Variants in CR1L observed in about 807,000 individuals in gnomAD.
The protein encoded by CR1L is complement C3b/C4b receptor 1 like.
In CR1L, 59 loss-of-function variants were observed where a neutral mutation model predicts 62.3. That is an observed-to-expected ratio of 0.95 (90% CI 0.77 to 1.18). The LOEUF (loss-of-function observed/expected upper bound fraction) is 1.18, where lower values mean the gene tolerates loss of function less well. Ranked by LOEUF, CR1L falls within the 50% of genes most tolerant of loss-of-function variation. CR1L has a pLI of 0.00. For synonymous variants in CR1L, 279 were observed against 248.7 expected (o/e 1.12, Z -1.15); for missense variants, 700 against 702.8 (o/e 1.00, Z 0.04).
chr1:207,648,020 C>T (rs1356226233), intron 1 of CR1L, among the ~76,000 whole-genome samples: 1 of 151,820 alleles, frequency 6.6e-6, no homozygotes, highest in African/African-American at 2.4e-5. Flanking sequence ...AAAAATTAGC[C>T]AGGTGTGATG....
intron 4 of CR1L, among the ~76,000 whole-genome samples, chr1:207,689,228 C>G (rs1663957929): frequency 6.6e-6 from 1 of 152,012 alleles, no homozygotes; most frequent in Admixed American, 6.6e-5. Context: ...TTGAGATTAT[C>G]ATGTTTCTTT....
rs557081299 is a variant in CR1L at position 207,703,304 on chromosome 1, T to C, written c.1328+1686T>C. On this transcript the variant is annotated intron_variant, in intron 9 of 11. Transcript: ENST00000508064. ...AAGGATAGGCTGCCTTTTTAGGAGC[T>C]AATCTCGTTGGTGAGTTTGAGTTGA... 1.3e-4 allele frequency among the ~76,000 whole-genome samples: 20 copies of C among 152,342 alleles called. No individual in the cohort carries two copies. The East Asian group carries it at 3.9e-3, about 29-fold the overall frequency.
intron 10 of CR1L, among the ~76,000 whole-genome samples, chr1:207,711,875 G>A (rs1269056358): frequency 6.7e-6 from 1 of 150,266 alleles, no homozygotes; most frequent in Non-Finnish European, 1.5e-5. Context: ...CTCCAGCCTG[G>A]ATGACAGAGT....
chr1:207,690,428 G>C (rs1663979630), intron 4 of CR1L, among the ~76,000 whole-genome samples: 1 of 152,110 alleles, frequency 6.6e-6, no homozygotes, highest in Non-Finnish European at 1.5e-5. Flanking sequence ...TTGAGACATG[G>C]TTTATGGCCC....
intron 1 of CR1L, among the ~76,000 whole-genome samples, chr1:207,660,299 G>A (rs572876905): frequency 4.4e-4 from 67 of 152,330 alleles, no homozygotes; most frequent in African/African-American, 1.5e-3. Context: ...ACACAGGTGG[G>A]TGCCCCTCTA....
chr1:207,664,867 T>C (rs1330596546), intron 1 of CR1L, among the ~76,000 whole-genome samples: 1 of 152,174 alleles, frequency 6.6e-6, no homozygotes. Flanking sequence ...TAGATCTAAA[T>C]GTGCTAATGT....
intron 9 of CR1L, among the ~76,000 whole-genome samples, chr1:207,703,690 A>G (rs747773458): frequency 3.3e-5 from 5 of 152,178 alleles, no homozygotes; most frequent in Non-Finnish European, 7.3e-5. Context: ...ATTTTGTGCC[A>G]GGCATGGTGT....
intron 9 of CR1L, among the ~76,000 whole-genome samples, chr1:207,706,809 C>G (rs6667500): frequency 0.45 from 68,637 of 151,814 alleles, 16,573 homozygotes; most frequent in East Asian, 0.84. Flanking sequence ...ATGATGAATT[C>G]CTAAAGAAAT....
intron 1 of CR1L, among the ~76,000 whole-genome samples, chr1:207,673,377 T>C (rs1663643140): frequency 6.6e-6 from 1 of 152,264 alleles, no homozygotes; most frequent in East Asian, 1.9e-4. Flanking sequence ...TGCTCTTTTT[T>C]TAAGCTGACA....
chr1:207,696,993 G>A (rs764709388), intron 5 of CR1L, among the ~76,000 whole-genome samples: 3 of 152,166 alleles, frequency 2.0e-5, no homozygotes, highest in South Asian at 2.1e-4. Context: ...TCAGGTGGCC[G>A]CTGAGAGAAG....
rs1311874659 is a variant in CR1L, at chr1:207,665,682, C to T, written c.98-11707C>T. Among the ~76,000 whole-genome samples the T allele has an allele frequency of 2.6e-5, 4 of 152,190 alleles. No individual in the cohort carries two copies. The East Asian group carries it at 7.7e-4, about 29-fold the overall frequency. ...TGCTGGGATTACAGGCGTGAGCCAC[C>T]ATGCCTGGCAAAGAATGACACTGGG... On this transcript the variant is annotated intron_variant, in intron 1 of 11. Transcript: ENST00000508064.
At chr1:207,657,496 T>A in intron 1 of CR1L, 1 of 432,070 alleles carries the variant, frequency 2.3e-6, no homozygotes. Flanking sequence ...GAGTTCTCTA[T>A]TTTTCACCCC....
chr1:207,678,299 T>C lies in CR1L; in HGVS notation c.377+2T>C. 5 of 1,611,302 alleles carry C rather than the reference T, an allele frequency of 3.1e-6. No individual in the cohort carries two copies. Among genetic ancestry groups the C allele is most frequent in the Non-Finnish European group, 3.4e-6 (4 of 1,177,496 alleles). On this transcript the variant is annotated splice_donor_variant, in intron 3 of 11. Transcript: ENST00000508064. LOFTEE classifies it high-confidence loss of function. ...AATTAAATATTCTTGTCCTAAAGGG[T>C]GAGTTGGCATCTCTTGAACCAACAT...
intron 1 of CR1L, among the ~76,000 whole-genome samples, chr1:207,672,095 G>A (rs1179423310): frequency 6.6e-6 from 1 of 150,772 alleles, no homozygotes; most frequent in Non-Finnish European, 1.5e-5. Context: ...CAGATCATCA[G>A]AGTCGATCAA....
At chr1:207,710,551 T>A in intron 10 of CR1L, 1 of 1,609,648 alleles carries the variant, frequency 6.2e-7, no homozygotes, top group East Asian at 2.2e-5. Flanking sequence ...CCAGCAAAGA[T>A]GATCAAGTGG....
intron 10 of CR1L, chr1:207,710,546 A>G (rs1321478763): frequency 2.1e-5 from 33 of 1,609,432 alleles, no homozygotes; most frequent in Non-Finnish European, 2.7e-5. Flanking sequence ...CTGCACCAGC[A>G]AAGATGATCA....
At chr1:207,650,741 C>A (rs1264059315) in intron 1 of CR1L, among the ~76,000 whole-genome samples, 2 of 151,480 alleles carry the variant, frequency 1.3e-5, no homozygotes, top group African/African-American at 2.4e-5. Flanking sequence ...TTTTTGCAAG[C>A]AGGTGTGAAT....
chr1:207,647,278 T>C (rs1002886928), intron 1 of CR1L, among the ~76,000 whole-genome samples: 2 of 152,220 alleles, frequency 1.3e-5, no homozygotes, highest in African/African-American at 2.4e-5. Flanking sequence ...CAGACAAAAC[T>C]CTGCCACTTT....
rs57151160 is a variant in CR1L at position 207,677,307 on chromosome 1, C to CAAAA, written c.98-55_98-52dup. ...TGGGTGACAGAGGGAGACTCTGTCA[C>CAAAA]AAAAAAAAAAAAAAAAAAAAAAAAA... On this transcript the variant is annotated intron_variant, in intron 1 of 11. Coordinates refer to ENST00000508064, the MANE Select transcript of CR1L (RefSeq NM_175710.2). 1.1e-3 allele frequency: 547 copies of CAAAA among 506,168 alleles called. 16 individuals carry two copies. Among genetic ancestry groups the CAAAA allele is most frequent in the South Asian group, 2.6e-3 (67 of 25,808 alleles). The allele number at this position is 506,168 out of a possible 1,614,324, so 31.4% of individuals were successfully genotyped here.
Sources: allele counts gnomAD v4.1 joint callset (sites outside exome capture counted in the v4.1 genomes callset), GRCh38; gene constraint gnomAD v4.1.1; transcripts MANE v1.5; gene names NCBI Gene and HGNC (gene_info 2026-07-23, HGNC 2026-07-21).